ABCB1: variants seen among roughly 807,000 people sequenced by gnomAD.
ABCB1 encodes the protein ATP binding cassette subfamily B member 1, also known as ATP-dependent translocase ABCB1.
ABCB1 carries 69 observed loss-of-function variants against 142.0 expected under a neutral mutation model. That is an observed-to-expected ratio of 0.49 (90% CI 0.40 to 0.59). The LOEUF is 0.59. Ranked by LOEUF, ABCB1 falls within the 20% of genes least tolerant of loss-of-function variation. ABCB1 has a pLI of 0.00. For synonymous variants in ABCB1, 532 were observed against 539.2 expected (o/e 0.99, Z 0.18); for missense variants, 1,326 against 1,554.7 (o/e 0.85, Z 2.47).
chr7:87,625,563 T>A (rs571206597), intron 1 of ABCB1, among the ~76,000 whole-genome samples: 1 of 152,238 alleles, frequency 6.6e-6, no homozygotes, highest in African/African-American at 2.4e-5. Context: ...TGCAGTTTTA[T>A]CTGTGGTTAA....
chr7:87,588,930 G>T (rs1360942056), intron 3 of ABCB1, among the ~76,000 whole-genome samples: 4 of 152,016 alleles, frequency 2.6e-5, no homozygotes, highest in African/African-American at 7.2e-5. Context: ...TTATATAATT[G>T]TTGGCCACAT....
At chr7:87,579,255 A>ATT (rs1225064657) in intron 4 of ABCB1, among the ~76,000 whole-genome samples, 30 of 151,900 alleles carry the variant, frequency 2.0e-4, no homozygotes, top group Non-Finnish European at 1.5e-5. Flanking sequence ...GACTTTCAGT[A>ATT]TTATGCTGAA....
chr7:87,680,284 C>T (rs1217854279), intron 1 of ABCB1, among the ~76,000 whole-genome samples: 2 of 150,614 alleles, frequency 1.3e-5, no homozygotes, highest in Non-Finnish European at 2.9e-5. Flanking sequence ...CATTGATAGA[C>T]ATTTGGGTTG....
At chr7:87,686,965 A>AG (rs1554465747) in intron 1 of ABCB1, among the ~76,000 whole-genome samples, 1 of 151,536 alleles carries the variant, frequency 6.6e-6, no homozygotes, top group African/African-American at 2.4e-5. Context: ...AAAAAAAAAA[A>AG]GAAAGAAAAG....
intron 3 of ABCB1, among the ~76,000 whole-genome samples, chr7:87,591,735 G>A (rs1563066798): frequency 6.6e-6 from 1 of 152,104 alleles, no homozygotes; most frequent in South Asian, 2.1e-4. Context: ...GGATACCACC[G>A]AAAATAGATA....
At chr7:87,645,685 TTAGA>T (rs1204279874) in intron 1 of ABCB1, among the ~76,000 whole-genome samples, 2 of 152,208 alleles carry the variant, frequency 1.3e-5, no homozygotes, top group South Asian at 4.1e-4. Flanking sequence ...GTGATATTTC[TTAGA>T]TATATTAAAA....
chr7:87,606,857 G>A (rs887992202), intron 1 of ABCB1, among the ~76,000 whole-genome samples: 5 of 152,064 alleles, frequency 3.3e-5, no homozygotes, highest in Non-Finnish European at 7.4e-5. Flanking sequence ...AGATGGGGAT[G>A]AGAATGCATT....
chr7:87,576,995 A>G (rs1393245166), intron 4 of ABCB1, among the ~76,000 whole-genome samples: 2 of 152,254 alleles, frequency 1.3e-5, no homozygotes, highest in East Asian at 3.9e-4. Flanking sequence ...GTGATCAAAT[A>G]CTAGATGATA....
chr7:87,652,830 A>C (rs543520350), intron 1 of ABCB1, among the ~76,000 whole-genome samples: 2 of 152,054 alleles, frequency 1.3e-5, no homozygotes, highest in East Asian at 3.9e-4. Context: ...GTTACATAGC[A>C]ACTAATTTTT....
intron 1 of ABCB1, among the ~76,000 whole-genome samples, chr7:87,625,911 ATATT>A (rs1041434832): frequency 9.2e-5 from 14 of 151,382 alleles, no homozygotes; most frequent in Non-Finnish European, 1.2e-4. Context: ...GTATGAATGA[ATATT>A]TATCATAGCA....
chr7:87,632,503 ATAG>A (rs554483441), intron 1 of ABCB1, among the ~76,000 whole-genome samples: 5 of 152,142 alleles, frequency 3.3e-5, no homozygotes, highest in Admixed American at 6.6e-5. Context: ...TGGTGAAGAG[ATAG>A]TAGGTCATTT....
At chr7:87,702,393 C>T (rs974619142) in intron 1 of ABCB1, among the ~76,000 whole-genome samples, 4 of 151,922 alleles carry the variant, frequency 2.6e-5, no homozygotes, top group African/African-American at 9.7e-5. Context: ...ATCCTCCAAC[C>T]TCAGCTTCCT....
intron 4 of ABCB1, among the ~76,000 whole-genome samples, chr7:87,579,206 C>T (rs186235551): frequency 1.3e-5 from 2 of 152,238 alleles, no homozygotes; most frequent in Admixed American, 6.5e-5. Context: ...AATTCAGATG[C>T]CTTTTTTTTT....
At chr7:87,680,225 C>T (rs1585083733) in intron 1 of ABCB1, among the ~76,000 whole-genome samples, 1 of 150,408 alleles carries the variant, frequency 6.6e-6, no homozygotes, top group Non-Finnish European at 1.5e-5. Flanking sequence ...TTTGTGGCTG[C>T]GTAGTATTCC....
At chr7:87,650,847 C>A in intron 1 of ABCB1, 3 of 1,609,356 alleles carry the variant, frequency 1.9e-6, no homozygotes, top group Non-Finnish European at 2.6e-6. Flanking sequence ...CCTGATTGAT[C>A]GGTCTTGCTT....
chr7:87,556,666 C>T (rs564254797), intron 8 of ABCB1, among the ~76,000 whole-genome samples: 5 of 152,302 alleles, frequency 3.3e-5, no homozygotes, highest in African/African-American at 9.6e-5. Flanking sequence ...TTCTGCCGGC[C>T]TCCCCACTGG....
At chr7:87,623,064 AT>A (rs779402416) in intron 1 of ABCB1, among the ~76,000 whole-genome samples, 7 of 152,192 alleles carry the variant, frequency 4.6e-5, no homozygotes, top group Admixed American at 1.3e-4. Context: ...ATTTAAAAAA[AT>A]AATAGATTTT....
intron 1 of ABCB1, among the ~76,000 whole-genome samples, chr7:87,600,518 C>T (rs34868164): frequency 3.7e-4 from 57 of 152,344 alleles, no homozygotes; most frequent in African/African-American, 1.2e-3. Flanking sequence ...GGTCCCCGCA[C>T]CGCGCGGGCT....
intron 1 of ABCB1, among the ~76,000 whole-genome samples, chr7:87,694,845 T>A (rs1175184776): frequency 6.6e-6 from 1 of 152,202 alleles, no homozygotes; most frequent in East Asian, 1.9e-4. Context: ...ATATTCAGAT[T>A]TTTGCTGAAC....
Sources: allele counts gnomAD v4.1 joint callset (sites outside exome capture counted in the v4.1 genomes callset), GRCh38; gene constraint gnomAD v4.1.1; transcripts MANE v1.5; gene names NCBI Gene and HGNC (gene_info 2026-07-23, HGNC 2026-07-21).